The following ITGA9 variants were observed in gnomAD, a reference collection of about 807,000 sequenced individuals.
ITGA9 encodes integrin alpha-9.
A neutral mutation model predicts 127.8 loss-of-function variants in ITGA9; 56 were observed. That is an observed-to-expected ratio of 0.44 (90% CI 0.35 to 0.55). ITGA9 has a LOEUF of 0.55. ITGA9 is among the 20% of genes least tolerant of loss of function. ITGA9 has a pLI of 0.00. For synonymous variants in ITGA9, 508 were observed against 514.5 expected (o/e 0.99, Z 0.17); for missense variants, 1,196 against 1,347.1 (o/e 0.89, Z 1.76).
intron 15 of ITGA9, among the ~76,000 whole-genome samples, chr3:37,562,884 A>T (rs1004088794): frequency 1.3e-5 from 2 of 151,866 alleles, no homozygotes; most frequent in African/African-American, 4.8e-5. Flanking sequence ...CAACCAAGGT[A>T]GTCTGGCAAG....
At chr3:37,540,876 C>A (rs750720959) in intron 14 of ITGA9, among the ~76,000 whole-genome samples, 5 of 152,234 alleles carry the variant, frequency 3.3e-5, no homozygotes, top group Non-Finnish European at 5.9e-5. Context: ...TCTCAGATCC[C>A]TTCTGGTGAC....
intron 15 of ITGA9, among the ~76,000 whole-genome samples, chr3:37,556,584 G>A (rs1462426259): frequency 5.3e-5 from 8 of 152,162 alleles, no homozygotes; most frequent in Non-Finnish European, 1.0e-4. Context: ...GCGTGCACAC[G>A]AAGAACCTGG....
intron 18 of ITGA9, among the ~76,000 whole-genome samples, chr3:37,691,530 C>T (rs1322134971): frequency 2.0e-5 from 3 of 152,132 alleles, no homozygotes; most frequent in African/African-American, 7.2e-5. Context: ...TCTAATAAAA[C>T]CGAGAGATCT....
At chr3:37,513,542 C>G (rs1212581665) in intron 8 of ITGA9, among the ~76,000 whole-genome samples, 1 of 151,728 alleles carries the variant, frequency 6.6e-6, no homozygotes, top group Non-Finnish European at 1.5e-5. Flanking sequence ...CCCATTAACT[C>G]GTCATTTAAC....
In ITGA9 at chr3:37,665,007, T is replaced by C. The variant is rs1462192245; in HGVS notation, c.1916+11217T>C. Among the ~76,000 whole-genome samples the C allele has an allele frequency of 4.0e-5, 6 of 150,596 alleles. 1 individual carries two copies. The highest frequency in any genetic ancestry group is 4.0e-4 in the Admixed American group (6 of 15,146). ...TTTTTTTTTAGATGGAGTTTTGCTC[T>C]TGTCACCCAGGCTGGAGTAGAGTGG... On this transcript the variant is annotated intron_variant, in intron 17 of 27. Transcript: ENST00000264741.
chr3:37,641,234 A>G (rs1261410803), intron 16 of ITGA9, among the ~76,000 whole-genome samples: 2 of 152,158 alleles, frequency 1.3e-5, no homozygotes, highest in Non-Finnish European at 1.5e-5. Context: ...GAGGCATTAG[A>G]TTCTCACAGG....
At chr3:37,497,062 T>A (rs1370556602) in intron 5 of ITGA9, among the ~76,000 whole-genome samples, 2 of 152,264 alleles carry the variant, frequency 1.3e-5, no homozygotes, top group Non-Finnish European at 2.9e-5. Context: ...TGATTATTAA[T>A]GTCATTTAAT....
intron 18 of ITGA9, among the ~76,000 whole-genome samples, chr3:37,697,882 T>TA (rs1700902447): frequency 1.3e-5 from 2 of 152,244 alleles, no homozygotes; most frequent in Non-Finnish European, 2.9e-5. Flanking sequence ...ATGGTGTTTC[T>TA]AGTTCTAGAT....
chr3:37,693,830 G>A (rs565039754), intron 18 of ITGA9, among the ~76,000 whole-genome samples: 9 of 152,296 alleles, frequency 5.9e-5, no homozygotes, highest in Admixed American at 1.3e-4. Flanking sequence ...CTTCACTGCC[G>A]CTTTCATTCA....
At chr3:37,710,320 G>T (rs1317632019) in intron 18 of ITGA9, among the ~76,000 whole-genome samples, 1 of 152,150 alleles carries the variant, frequency 6.6e-6, no homozygotes, top group Non-Finnish European at 1.5e-5. Context: ...TTCCTCTTTT[G>T]CTATTCTGCC....
rs1228442752 is a variant in ITGA9 at position 37,519,322 on chromosome 3, G to A, written c.1204G>A (p.Asp402Asn). 1.2e-6 allele frequency: 2 copies of A among 1,614,034 alleles called. No individual in the cohort carries two copies. Among genetic ancestry groups the A allele is most frequent in the Admixed American group, 3.3e-5 (2 of 60,012 alleles). Reference sequence around the variant, plus strand: ...AGGGGCGGTCTATATCTATCATGGTGATGCCGGTGGGATAGTCCCTCAGTA... The same window carrying A: ...AGGGGCGGTCTATATCTATCATGGTAATGCCGGTGGGATAGTCCCTCAGTA... ...FAGAVYIYHG[D>N]AGGIVPQYSM... Residue 402 changes from aspartate (D) to asparagine (N), a missense_variant, in exon 11 of 28, where the codon GAT becomes AAT. By Grantham distance (23) the Asp-to-Asn change is conservative. Coordinates refer to ENST00000264741, the MANE Select transcript of ITGA9 (RefSeq NM_002207.3).
chr3:37,602,074 C>G (rs1286473429), intron 15 of ITGA9, among the ~76,000 whole-genome samples: 2 of 152,062 alleles, frequency 1.3e-5, no homozygotes, highest in Non-Finnish European at 2.9e-5. Context: ...AAGCCATTCA[C>G]AATGGATCCG....
At chr3:37,587,138 T>C (rs1392683826) in intron 15 of ITGA9, among the ~76,000 whole-genome samples, 2 of 152,214 alleles carry the variant, frequency 1.3e-5, no homozygotes, top group African/African-American at 4.8e-5. Flanking sequence ...TGCATTACAA[T>C]AGCATCTAGT....
At chr3:37,737,127 G>A (rs1696373007) in intron 20 of ITGA9, 144 bp downstream of exon 20, 1 of 698,682 alleles carries the variant, frequency 1.4e-6, no homozygotes. Flanking sequence ...GAGCCGCAAA[G>A]TGGAATTGGA....
chr3:37,492,110 G>A (rs1038526674), intron 4 of ITGA9, among the ~76,000 whole-genome samples: 2 of 152,120 alleles, frequency 1.3e-5, no homozygotes, highest in Admixed American at 6.5e-5. Context: ...ATTAGAACTG[G>A]ATTCTACTCT....
intron 22 of ITGA9, 76 bp from the exon 23 acceptor site, chr3:37,750,386 A>G: frequency 1.1e-6 from 1 of 900,094 alleles, no homozygotes; most frequent in South Asian, 1.3e-5. Flanking sequence ...AGAATCTTAG[A>G]ATATATATTG....
chr3:37,683,749 C>A, intron 17 of ITGA9, 116 bp from the exon 18 acceptor site: 2 of 1,053,960 alleles, frequency 1.9e-6, no homozygotes, highest in Non-Finnish European at 2.9e-6. Context: ...AATGGGGCTC[C>A]TGGAACTTGT....
intron 18 of ITGA9, among the ~76,000 whole-genome samples, chr3:37,703,933 C>T (rs1028348849): frequency 1.6e-4 from 25 of 152,132 alleles, no homozygotes; most frequent in African/African-American, 6.0e-4. Flanking sequence ...CAGGCACAGG[C>T]AGGCTGGTAC....
chr3:37,796,051 T>C (rs1253337623), intron 26 of ITGA9, among the ~76,000 whole-genome samples: 1 of 152,152 alleles, frequency 6.6e-6, no homozygotes, highest in Non-Finnish European at 1.5e-5. Context: ...ATGAACATCT[T>C]CCCGCTGCTT....
Sources: allele counts gnomAD v4.1 joint callset (sites outside exome capture counted in the v4.1 genomes callset), GRCh38; gene constraint gnomAD v4.1.1; transcripts MANE v1.5; gene names NCBI Gene and HGNC (gene_info 2026-07-23, HGNC 2026-07-21).